The following FRZB variants were observed in gnomAD, a reference collection of about 807,000 sequenced individuals.
FRZB encodes frizzled related protein, also known as secreted frizzled-related protein 3.
FRZB carries 34 observed loss-of-function variants against 32.5 expected under a neutral mutation model. The observed-to-expected ratio is 1.05, with a 90% confidence interval of 0.80 to 1.39. FRZB has a LOEUF of 1.39. Among genes scored for constraint, FRZB ranks in the 40% most tolerant of loss-of-function variants. The pLI is 0.00. For synonymous variants in FRZB, 170 were observed against 159.2 expected, an observed-to-expected ratio of 1.07 and a Z score of -0.51; for missense variants, 423 against 424.8, an observed-to-expected ratio of 1.00 and a Z score of 0.04.
chr2:182,855,550 A>G (rs1695758681), intron 2 of FRZB, among the ~76,000 whole-genome samples: 1 of 152,214 alleles, frequency 6.6e-6, no homozygotes, highest in Non-Finnish European at 1.5e-5. Context: ...AACAAGACCA[A>G]CGAAAGAGTC....
At chr2:182,855,152 T>C (rs1407012613) in intron 2 of FRZB, among the ~76,000 whole-genome samples, 1 of 152,198 alleles carries the variant, frequency 6.6e-6, no homozygotes, top group Admixed American at 6.5e-5. Flanking sequence ...ATTTGCAGCC[T>C]AATCCTAACT....
At chr2:182,837,008 T>C (rs1341544655) in intron 5 of FRZB, among the ~76,000 whole-genome samples, 1 of 151,992 alleles carries the variant, frequency 6.6e-6, no homozygotes, top group African/African-American at 2.4e-5. Context: ...ACTTACCATG[T>C]AAATGTTTCC....
At chr2:182,836,719 A>G (rs1695529641) in intron 5 of FRZB, among the ~76,000 whole-genome samples, 1 of 152,076 alleles carries the variant, frequency 6.6e-6, no homozygotes, top group African/African-American at 2.4e-5. Flanking sequence ...AGAAAACCAA[A>G]TTAAAGACAG....
Position 182,866,438 on chromosome 2 carries a change from G to T in FRZB, c.115C>A (p.Arg39Ser), listed in dbSNP as rs764919902. 1.6e-5 allele frequency: 26 copies of T among 1,592,028 alleles called. No homozygotes were observed. Among genetic ancestry groups the T allele is most frequent in the Non-Finnish European group, 2.2e-5 (26 of 1,167,396 alleles). Residue 39 changes from arginine (R) to serine (S), a missense_variant, in exon 1 of 6, where the codon CGC becomes AGC. By Grantham distance (110) the Arg-to-Ser change is moderately radical. Coordinates refer to ENST00000295113, the MANE Select transcript of FRZB (RefSeq NM_001463.4). This position sits in a 1 kb window ranked among gnomAD's most constrained non-coding sequence, Gnocchi z 4.5. ...GGCAGGGACTTGCACAGGGGGATGC[G>T]GACGGGCTCACAGGCTGCAGCCCGA... ...GARAAACEPV[R>S]IPLCKSLPWN... is the part of the protein sequence containing the mutation.
intron 4 of FRZB, 119 bp from the exon 5 acceptor site, chr2:182,838,130 G>C: frequency 1.3e-6 from 1 of 791,938 alleles, no homozygotes; most frequent in South Asian, 1.7e-5. Context: ...GGACAGCTAA[G>C]ATTTAGAACA....
chr2:182,856,562 T>C (rs889587017), intron 2 of FRZB, among the ~76,000 whole-genome samples: 5 of 151,556 alleles, frequency 3.3e-5, no homozygotes, highest in Non-Finnish European at 7.4e-5. Flanking sequence ...GACCCAACTA[T>C]ATGATGTCTA....
intron 3 of FRZB, among the ~76,000 whole-genome samples, chr2:182,840,616 GT>G (rs1054712327): frequency 7.9e-5 from 12 of 151,858 alleles, no homozygotes; most frequent in African/African-American, 2.9e-4. Context: ...CCTTTTCAGA[GT>G]TCTTCCTTCT....
Position 182,842,552 on chromosome 2 carries a change from C to T in FRZB, c.527-9G>A. 1 of 1,605,142 alleles carries T rather than the reference C, an allele frequency of 6.2e-7. No homozygotes were observed. The highest frequency in any genetic ancestry group is 8.5e-7 in the Non-Finnish European group (1 of 1,172,564). On this transcript the variant is annotated splice_polypyrimidine_tract_variant and intron_variant, in intron 2 of 5. Coordinates refer to ENST00000295113, the MANE Select transcript of FRZB (RefSeq NM_001463.4). ...CTTACATTTACAGCGTTCTGAAAAA[C>T]ACATTTTAGTTATAAGCACATTTCC...
intron 1 of FRZB, among the ~76,000 whole-genome samples, chr2:182,862,429 T>G (rs1695843131): frequency 6.6e-6 from 1 of 152,216 alleles, no homozygotes. Context: ...AGACTCATTC[T>G]TTTTTCTGTC....
chr2:182,838,654 A>G (rs1186576002), intron 3 of FRZB, 41 bp from the exon 4 acceptor site: 3 of 1,538,752 alleles, frequency 1.9e-6, no homozygotes, highest in African/African-American at 1.4e-5. Context: ...AATATGACAC[A>G]TAATAGCTAC....
chr2:182,838,162 G>T, intron 4 of FRZB, 151 bp from the exon 5 acceptor site: 1 of 719,382 alleles, frequency 1.4e-6, no homozygotes, highest in Non-Finnish European at 2.3e-6. Context: ...CCATTTGTAA[G>T]TCACAGACCC....
chr2:182,854,659 A>G (rs1214764800), intron 2 of FRZB, among the ~76,000 whole-genome samples: 1 of 152,244 alleles, frequency 6.6e-6, no homozygotes, highest in Non-Finnish European at 1.5e-5. Flanking sequence ...CAGGAGCCCA[A>G]AACTTTGATG....
chr2:182,859,782 T>C (rs929276399), intron 1 of FRZB, among the ~76,000 whole-genome samples: 1 of 152,166 alleles, frequency 6.6e-6, no homozygotes, highest in African/African-American at 2.4e-5. Flanking sequence ...CATCAGCAAG[T>C]ATTTAAAAAG....
rs370357662 is a variant in FRZB at position 182,837,957 on chromosome 2, T to C, written c.852A>G (p.Lys284=). The C allele has an allele frequency of 4.2e-5, 68 of 1,611,872 alleles. No homozygotes were observed. The African/African-American group carries it at 8.1e-4, about 19-fold the overall frequency. Residue 284 remains lysine, a synonymous_variant, in exon 5 of 6, where the codon AAA becomes AAG. Coordinates refer to ENST00000295113, the MANE Select transcript of FRZB (RefSeq NM_001463.4). ...IAEKWKDRLG[K]KVKRWDMKLR... is the part of the protein sequence containing the mutation. ...TAAAATACAGGCTTACCTTAACTTT[T>C]TTACCGAGTCGATCCTTCCACTTCT...
chr2:182,857,578 C>T (rs1461786558), intron 2 of FRZB, among the ~76,000 whole-genome samples: 2 of 148,878 alleles, frequency 1.3e-5, no homozygotes, highest in South Asian at 2.1e-4. Context: ...GATTGCATCA[C>T]GGCACTCCAG....
intron 2 of FRZB, among the ~76,000 whole-genome samples, chr2:182,848,788 G>A (rs1270000479): frequency 6.6e-6 from 1 of 152,128 alleles, no homozygotes; most frequent in Non-Finnish European, 1.5e-5. Context: ...AAATGCCATG[G>A]TATGCCAAAG....
At chr2:182,852,574 A>C (rs181977390) in intron 2 of FRZB, among the ~76,000 whole-genome samples, 1 of 152,204 alleles carries the variant, frequency 6.6e-6, no homozygotes, top group Admixed American at 6.5e-5. Context: ...GTGTTTTTCA[A>C]ATGTGAAAGT....
At chr2:182,835,200 AC>A (rs1287550750) in intron 5 of FRZB, among the ~76,000 whole-genome samples, 1 of 152,120 alleles carries the variant, frequency 6.6e-6, no homozygotes, top group African/African-American at 2.4e-5. Flanking sequence ...TTCTTATCAA[AC>A]CTTAAACTTA....
chr2:182,858,954 G>T, intron 1 of FRZB, 121 bp from the exon 2 acceptor site: 1 of 798,514 alleles, frequency 1.3e-6, no homozygotes, highest in Non-Finnish European at 2.1e-6. Flanking sequence ...GAAGGAAGTA[G>T]ATTTTTATTA....
Sources: allele counts gnomAD v4.1 joint callset (sites outside exome capture counted in the v4.1 genomes callset), GRCh38; gene constraint gnomAD v4.1.1; non-coding constraint Gnocchi (gnomAD v3.1); transcripts MANE v1.5; gene names NCBI Gene and HGNC (gene_info 2026-07-23, HGNC 2026-07-21).